Variants in PWWP3A observed in about 807,000 individuals in gnomAD.
PWWP3A encodes PWWP domain-containing DNA repair factor 3A.
A neutral mutation model predicts 79.0 loss-of-function variants in PWWP3A; 53 were observed. That is an observed-to-expected ratio of 0.67 (90% CI 0.54 to 0.84). The LOEUF (loss-of-function observed/expected upper bound fraction) is 0.84, where lower values mean the gene tolerates loss of function less well. Ranked by LOEUF, PWWP3A falls within the 40% of genes least tolerant of loss-of-function variation. The pLI, the probability that PWWP3A is intolerant of heterozygous loss-of-function variation, is 0.00. For missense variants in PWWP3A, 973 were observed against 948.0 expected (o/e 1.03, Z -0.35); for synonymous variants, 443 against 394.4 (o/e 1.12, Z -1.46).
intron 12 of PWWP3A, chr19:1,371,405 A>G: frequency 1.4e-6 from 1 of 702,328 alleles, no homozygotes; most frequent in Non-Finnish European, 2.6e-6. Flanking sequence ...GTCCTGGGAA[A>G]CCCACTGCGA....
rs376184873 is a variant in PWWP3A, at chr19:1,358,632, G to T, written c.214+168G>T. The T allele has an allele frequency of 1.9e-6, 3 of 1,540,696 alleles. No individual in the cohort carries two copies. In the African/African-American group the frequency reaches 4.1e-5, roughly 21 times the overall value. Reference sequence around the variant, plus strand: ...CTGAAGGAGAAGGAAAAATGGATCCGCTTTCTTAAACCTTTCCAGAATTTG... The same window carrying T: ...CTGAAGGAGAAGGAAAAATGGATCCTCTTTCTTAAACCTTTCCAGAATTTG... On this transcript the variant is annotated intron_variant, in intron 4 of 13. Coordinates refer to ENST00000591337, the MANE Select transcript of PWWP3A (RefSeq NM_001369789.1).
At chr19:1,364,613 G>T in intron 7 of PWWP3A, 34 bp downstream of exon 7, 1 of 1,454,448 alleles carries the variant, frequency 6.9e-7, no homozygotes. Context: ...CTCAGATGTA[G>T]TTACTTAAAT....
Position 1,360,030 on chromosome 19 carries a change from TG to T in PWWP3A, c.215-105del. On this transcript the variant is annotated intron_variant, in intron 4 of 13. Transcript: ENST00000591337. The surrounding 1 kb of genome is among the most constrained non-coding windows in gnomAD (Gnocchi z 4.4). Reference sequence around the variant, plus strand: ...GTCCTCCCCTTCAGTGATTTAGGTATGAAACTAGCCGTCAGAATGAGACAAG... The same window carrying T: ...GTCCTCCCCTTCAGTGATTTAGGTATAAACTAGCCGTCAGAATGAGACAAG... 1 of 1,186,872 alleles carries T rather than the reference TG, an allele frequency of 8.4e-7. No individual in the cohort carries two copies. Among genetic ancestry groups the T allele is most frequent in the Non-Finnish European group, 1.1e-6 (1 of 885,876 alleles). 73.5% of individuals were successfully genotyped at this position (1,186,872 alleles called of 1,614,324 possible). A position where few individuals can be genotyped will look rare whatever the true frequency, so the allele number is the denominator to read the frequency against.
chr19:1,374,497 A>G lies in PWWP3A; in HGVS notation c.2075+1337A>G, dbSNP rs140245261. ...CCTCTTGTTCTTTTAGAGTTGCACC[A>G]TGAGCCTCTCTGCACTCTTCCCAAG... On this transcript the variant is annotated intron_variant, in intron 13 of 13. Coordinates refer to ENST00000591337, the MANE Select transcript of PWWP3A (RefSeq NM_001369789.1). 1,096 of 152,230 alleles carry G rather than the reference A, an allele frequency of 7.2e-3. 5 individuals are homozygous for G. The highest frequency in any genetic ancestry group is 0.012 in the Non-Finnish European group (783 of 68,036). 9.4% of individuals were successfully genotyped at this position (152,230 alleles called of 1,614,324 possible).
At chr19:1,362,055 C>G (rs558080797) in intron 5 of PWWP3A, 195 bp from the exon 6 acceptor site, 7 of 420,056 alleles carry the variant, frequency 1.7e-5, no homozygotes, top group African/African-American at 1.4e-4. Flanking sequence ...CTCCTTCCCT[C>G]CTTCCCTCTT....
chr19:1,376,479 A>AATG, intron 13 of PWWP3A, 40 bp from the exon 14 acceptor site: 1 of 1,601,766 alleles, frequency 6.2e-7, no homozygotes. Context: ...TTTAACACAC[A>AATG]ATGATTAATT....
chr19:1,362,424 C>A (rs1032379607), intron 6 of PWWP3A, 73 bp downstream of exon 6: 3 of 1,180,856 alleles, frequency 2.5e-6, no homozygotes, highest in Non-Finnish European at 3.7e-6. Flanking sequence ...GCTCCGAGAC[C>A]GGGCCCCACA....
intron 12 of PWWP3A, 29 bp downstream of exon 12, chr19:1,371,107 G>C (rs1179894018): frequency 6.5e-7 from 1 of 1,548,786 alleles, no homozygotes; most frequent in Admixed American, 2.0e-5. Context: ...TGTCACGTGG[G>C]CAGGGAGGGG....
chr19:1,356,161 G>A (rs2081859102), intron 1 of PWWP3A, 163 bp from the exon 2 acceptor site: 2 of 549,814 alleles, frequency 3.6e-6, no homozygotes, highest in South Asian at 4.1e-5. Flanking sequence ...CGTCGTTTCT[G>A]TTTGTCAGTC....
intron 9 of PWWP3A, among the ~76,000 whole-genome samples, chr19:1,367,842 G>T (rs886216873): frequency 3.3e-5 from 5 of 152,176 alleles, no homozygotes; most frequent in African/African-American, 1.2e-4. Context: ...GCACCAACAC[G>T]TCAACTCAGT....
Position 1,360,761 on chromosome 19 carries a change from C to T in PWWP3A, c.840C>T (p.Leu280=). 1.2e-6 allele frequency: 2 copies of T among 1,611,698 alleles called. No individual in the cohort carries two copies. Among genetic ancestry groups the T allele is most frequent in the Non-Finnish European group, 1.7e-6 (2 of 1,179,120 alleles). Residue 280 remains leucine, a synonymous_variant, in exon 5 of 14, where the codon CTC becomes CTT. Coordinates refer to ENST00000591337, the MANE Select transcript of PWWP3A (RefSeq NM_001369789.1). The surrounding 1 kb of genome is among the most constrained non-coding windows in gnomAD (Gnocchi z 4.4). The part of the protein sequence containing the change: ...GHDPGLPLGS[L]TAPPAPEPSA... ...ACCCCGGTCTGCCGTTGGGCAGCCT[C>T]ACTGCGCCCCCAGCCCCTGAGCCCT...
rs2082437549 is a variant in PWWP3A, at chr19:1,378,106, G to A, written c.*1530G>A. 6.6e-6 allele frequency: 1 copy of A among 152,266 alleles called. No individual in the cohort carries two copies. The highest frequency in any genetic ancestry group is 6.5e-5 in the Admixed American group (1 of 15,288). 9.4% of individuals were successfully genotyped at this position (152,266 alleles called of 1,614,324 possible). ...GGGGTCTGTCTTGTCTGGAGCAGTGGGGCACACCCCGGAGGAGGCGGGGGT... is the reference window on the plus strand; with the variant it reads ...GGGGTCTGTCTTGTCTGGAGCAGTGAGGCACACCCCGGAGGAGGCGGGGGT... On this transcript the variant is annotated 3_prime_UTR_variant, in exon 14 of 14. Coordinates refer to ENST00000591337, the MANE Select transcript of PWWP3A (RefSeq NM_001369789.1).
At chr19:1,361,377 T>C (rs1260788850) in intron 5 of PWWP3A, among the ~76,000 whole-genome samples, 4 of 152,318 alleles carry the variant, frequency 2.6e-5, no homozygotes, top group Admixed American at 2.0e-4. Flanking sequence ...GAGGATTAAC[T>C]CTTTTAACGG....
rs1034580203 is a variant in PWWP3A, at chr19:1,377,299, C to T, written c.*723C>T. 9.2e-5 allele frequency: 14 copies of T among 152,666 alleles called. No homozygotes were observed. The highest frequency in any genetic ancestry group is 3.4e-4 in the African/African-American group (14 of 41,436). The allele number at this position is 152,666 out of a possible 1,614,324, so 9.5% of individuals were successfully genotyped here. ...CACCTCCCCCGCCCGCCTGGCCTGT[C>T]CTGAGTGCATTTCCCTGCACTGTGT... On this transcript the variant is annotated 3_prime_UTR_variant, in exon 14 of 14. Coordinates refer to ENST00000591337, the MANE Select transcript of PWWP3A (RefSeq NM_001369789.1).
At position 1,360,531 on chromosome 19, in the gene PWWP3A, T is replaced by C. The variant is rs1188061862; in HGVS notation, c.610T>C (p.Ser204Pro). The change falls in exon 5 of 14, where the codon TCC (serine) becomes CCC (proline). Residue 204 changes from serine (S) to proline (P), a missense_variant. By Grantham distance (74) the Ser-to-Pro change is moderately conservative (BLOSUM62 -1). Coordinates refer to ENST00000591337, the MANE Select transcript of PWWP3A (RefSeq NM_001369789.1). The surrounding 1 kb of genome is among the most constrained non-coding windows in gnomAD (Gnocchi z 4.4). ...AGGGAQDESG[S>P]RIHHKNWTLA... ...AGGTGGTGCCCAAGATGAGAGTGGGTCCAGAATCCACCACAAAAATTGGAC... is the reference window on the plus strand; with the variant it reads ...AGGTGGTGCCCAAGATGAGAGTGGGCCCAGAATCCACCACAAAAATTGGAC... 2 of 1,614,108 alleles carry C rather than the reference T, an allele frequency of 1.2e-6. No individual in the cohort carries two copies. Among genetic ancestry groups the C allele is most frequent in the South Asian group, 1.1e-5 (1 of 91,088 alleles).
intron 2 of PWWP3A, 88 bp downstream of exon 2, chr19:1,356,537 C>A: frequency 7.6e-7 from 1 of 1,320,620 alleles, no homozygotes; most frequent in Non-Finnish European, 1.1e-6. Flanking sequence ...CTAGGATTTG[C>A]TTCAGTGAAA....
In PWWP3A at chr19:1,369,386, A is replaced by G. The variant is rs1255748467; in HGVS notation, c.1498+46A>G. On this transcript the variant is annotated intron_variant, in intron 10 of 13. Transcript: ENST00000591337. The surrounding 1 kb of genome is among the most constrained non-coding windows in gnomAD (Gnocchi z 4.0). ...GGGTGGAGCTGGGCAGCAGGCGTCC[A>G]GCCTCTGAAGACCCCTTGGACGGGC... The G allele has an allele frequency of 8.1e-6, 13 of 1,596,540 alleles. No homozygotes were observed. Among genetic ancestry groups the G allele is most frequent in the Non-Finnish European group, 1.1e-5 (13 of 1,165,904 alleles).
At chr19:1,371,389 G>A (rs1272385714) in intron 12 of PWWP3A, 1 of 702,966 alleles carries the variant, frequency 1.4e-6, no homozygotes, top group Non-Finnish European at 2.6e-6. Context: ...CAGCCTCGGT[G>A]GGTCAGTCCT....
chr19:1,368,853 CCGG>C lies in PWWP3A; in HGVS notation c.1423-411_1423-409del. 6.9e-6 allele frequency among the ~76,000 whole-genome samples: 1 copy of C among 145,160 alleles called. No individual in the cohort carries two copies. Among genetic ancestry groups the C allele is most frequent in the Non-Finnish European group, 1.5e-5 (1 of 66,672 alleles). ...CAGACCAGCCCAAGCCTTCGGGTCC[CCGG>C]TGCCCACCTGCGTTCAGACCAGCCC... On this transcript the variant is annotated intron_variant, in intron 9 of 13. Transcript: ENST00000591337. This position sits in a 1 kb window ranked among gnomAD's most constrained non-coding sequence, Gnocchi z 4.7.
Sources: gnomAD v4.1 joint callset for allele counts (sites outside exome capture counted in the v4.1 genomes callset) on GRCh38, gnomAD v4.1.1 for gene constraint, Gnocchi (gnomAD v3.1) non-coding constraint, MANE v1.5 for transcripts, NCBI Gene and HGNC (gene_info 2026-07-23, HGNC 2026-07-21) for gene names.